The following NTAQ1 variants were observed in gnomAD, a reference collection of about 807,000 sequenced individuals.
The protein encoded by NTAQ1 is N-terminal glutamine amidase 1.
A neutral mutation model predicts 28.2 loss-of-function variants in NTAQ1; 21 were observed. The ratio of observed to expected loss-of-function variants is 0.74; its 90% CI spans 0.53 to 1.07. The LOEUF (loss-of-function observed/expected upper bound fraction) is 1.07. Among genes scored for constraint, NTAQ1 ranks in the 50% least tolerant of loss-of-function variants. NTAQ1 has a pLI of 0.00. For synonymous variants in NTAQ1, 105 were observed against 90.0 expected (o/e 1.17, Z -0.94); for missense variants, 264 against 256.6 (o/e 1.03, Z -0.20).
At chr8:123,449,032 G>T (rs13275733), downstream of NTAQ1, among the ~76,000 whole-genome samples, 2 of 151,770 alleles carry the variant, frequency 1.3e-5, no homozygotes, top group East Asian at 3.9e-4. Context: ...ACCCTTACCT[G>T]TACTCTCTTA....
chr8:123,443,917 A>G (rs1189893616), downstream of NTAQ1, among the ~76,000 whole-genome samples: 2 of 152,068 alleles, frequency 1.3e-5, no homozygotes, highest in African/African-American at 4.8e-5. Flanking sequence ...TTTTCTCTTC[A>G]GCTTGTGCGA....
intron 6 of NTAQ1, among the ~76,000 whole-genome samples, chr8:123,463,085 A>T (rs528177691): frequency 1.2e-4 from 19 of 152,316 alleles, no homozygotes; most frequent in African/African-American, 4.6e-4. Context: ...GTAGGGAAGA[A>T]CACTTTTTCT....
At position 123,441,676 on chromosome 8, in the gene NTAQ1, A is replaced by G. The variant is rs1815077274; in HGVS notation, c.*261A>G. Reference sequence around the variant, plus strand: ...CTCATGCGTTACAACACGAGGACTTAAGCCAGTAATCGTTTTTGTTCAGAT... The same window carrying G: ...CTCATGCGTTACAACACGAGGACTTGAGCCAGTAATCGTTTTTGTTCAGAT... On this transcript the variant is annotated 3_prime_UTR_variant, in exon 6 of 6. Transcript: ENST00000287387. 1 of 441,778 alleles carries G rather than the reference A, an allele frequency of 2.3e-6. No individual in the cohort carries two copies. Among genetic ancestry groups the G allele is most frequent in the South Asian group, 3.1e-5 (1 of 32,756 alleles). 27.4% of individuals were successfully genotyped at this position (441,778 alleles called of 1,614,324 possible). A position where few individuals can be genotyped will look rare whatever the true frequency, so the allele number is the denominator to read the frequency against.
downstream of NTAQ1, among the ~76,000 whole-genome samples, chr8:123,442,796 G>A (rs1815127022): frequency 1.3e-5 from 2 of 150,646 alleles, no homozygotes; most frequent in East Asian, 2.0e-4. Flanking sequence ...AGCCTCCTGA[G>A]TAGCTGGGAT....
intron 4 of NTAQ1, among the ~76,000 whole-genome samples, chr8:123,436,989 G>T (rs1814756391): frequency 6.6e-6 from 1 of 152,118 alleles, no homozygotes; most frequent in South Asian, 2.1e-4. Flanking sequence ...GTAAATCGAG[G>T]CAACCAGATA....
chr8:123,443,209 G>C (rs562556947), downstream of NTAQ1, among the ~76,000 whole-genome samples: 1 of 150,926 alleles, frequency 6.6e-6, no homozygotes, highest in Non-Finnish European at 1.5e-5. Flanking sequence ...TAATAGAGAC[G>C]GGGTTTTGCC....
At chr8:123,443,981 T>G (rs955704817), downstream of NTAQ1, among the ~76,000 whole-genome samples, 8 of 152,172 alleles carry the variant, frequency 5.3e-5, no homozygotes, top group African/African-American at 1.9e-4. Context: ...AAGATTTTTC[T>G]TCAGAGTTGT....
At chr8:123,441,281 A>AT (rs558200082) in intron 5 of NTAQ1, 25 bp from the exon 6 acceptor site, 427 of 1,510,186 alleles carry the variant, frequency 2.8e-4, no homozygotes, top group South Asian at 5.8e-4. Flanking sequence ...TTCAGTGGAC[A>AT]TTTTTTTTTC....
At chr8:123,460,225 G>A (rs1217824615) in intron 6 of NTAQ1, among the ~76,000 whole-genome samples, 1 of 152,112 alleles carries the variant, frequency 6.6e-6, no homozygotes, top group Non-Finnish European at 1.5e-5. Context: ...TTTGTGCCAG[G>A]CACTGCTCAA....
exon 7 of NTAQ1, among the ~76,000 whole-genome samples, chr8:123,469,981 T>C (rs1446625450): frequency 6.6e-6 from 1 of 152,204 alleles, no homozygotes; most frequent in Non-Finnish European, 1.5e-5. Context: ...GTGATGGTAT[T>C]TGGAAGTGAG....
chr8:123,425,708 G>A lies in NTAQ1; in HGVS notation c.84-2216G>A, dbSNP rs149665574. On this transcript the variant is annotated intron_variant, in intron 1 of 5. Coordinates refer to ENST00000287387, the MANE Select transcript of NTAQ1 (RefSeq NM_018024.3). ...TTGCTTCATTTTTAGGTAGCATGGC[G>A]TGGATGAAATTAGGCTTTGGGCCGG... 9.9e-3 allele frequency among the ~76,000 whole-genome samples: 1,506 copies of A among 152,136 alleles called. 23 individuals are homozygous for A. The highest frequency in any genetic ancestry group is 0.035 in the African/African-American group (1,436 of 41,512).
intron 1 of NTAQ1, among the ~76,000 whole-genome samples, chr8:123,420,768 T>A (rs1813632069): frequency 6.6e-6 from 1 of 151,582 alleles, no homozygotes; most frequent in Non-Finnish European, 1.5e-5. Context: ...CTTCTTAAAT[T>A]ATTTTTATTT....
intron 3 of NTAQ1, 76 bp from the exon 4 acceptor site, chr8:123,436,377 A>C: frequency 6.9e-7 from 1 of 1,446,934 alleles, no homozygotes; most frequent in Non-Finnish European, 9.5e-7. Flanking sequence ...CTTTTTAGTG[A>C]TAAGGTATGT....
Position 123,437,300 on chromosome 8 carries a change from G to T in NTAQ1, c.474G>T (p.Glu158Asp), listed in dbSNP as rs201538858. 3 of 1,614,080 alleles carry T rather than the reference G, an allele frequency of 1.9e-6. No homozygotes were observed. In the Admixed American group the frequency reaches 5.0e-5, roughly 27 times the overall value. ...AAGACTCCAGTGGGAATTGGAGAGAGCCTCCGCCGCCATATCCCTGCATTG... is the reference window on the plus strand; with the variant it reads ...AAGACTCCAGTGGGAATTGGAGAGATCCTCCGCCGCCATATCCCTGCATTG... ...HMKDSSGNWREPPPPYPCIET... is the reference protein window; with the variant it reads ...HMKDSSGNWRDPPPPYPCIET... The change falls in exon 5 of 6, where the codon GAG becomes GAT. Residue 158 changes from glutamate to aspartate, a missense_variant. Glu to Asp is a conservative substitution (Grantham distance 45, BLOSUM62 2). Coordinates refer to ENST00000287387, the MANE Select transcript of NTAQ1 (RefSeq NM_018024.3).
chr8:123,435,600 C>A, intron 3 of NTAQ1: 1 of 897,876 alleles, frequency 1.1e-6, no homozygotes, highest in Non-Finnish European at 1.3e-6. Context: ...GGCACTGTGG[C>A]TCACACCTGT....
chr8:123,427,977 C>CT lies in NTAQ1; in HGVS notation c.140dup (p.Leu47PhefsTer11). On this transcript the variant is annotated frameshift_variant, in exon 2 of 6. Coordinates refer to ENST00000287387, the MANE Select transcript of NTAQ1 (RefSeq NM_018024.3). LOFTEE classifies it high-confidence loss of function. ...TACATCAAAAACCATGACCAGTATCCTTTAGAAGAATGTTATGCTGTCTTC... is the reference window on the plus strand; with the variant it reads ...TACATCAAAAACCATGACCAGTATCCTTTTAGAAGAATGTTATGCTGTCTTC... 1 of 1,611,152 alleles carries CT rather than the reference C, an allele frequency of 6.2e-7. No homozygotes were observed. The highest frequency in any genetic ancestry group is 8.5e-7 in the Non-Finnish European group (1 of 1,179,130).
chr8:123,431,531 C>T (rs1292313068), intron 3 of NTAQ1, among the ~76,000 whole-genome samples: 2 of 152,098 alleles, frequency 1.3e-5, no homozygotes, highest in African/African-American at 4.8e-5. Flanking sequence ...AGGCTAAAAA[C>T]AGATTAAAAT....
chr8:123,437,676 C>T (rs1814801300), intron 5 of NTAQ1, among the ~76,000 whole-genome samples: 1 of 150,088 alleles, frequency 6.7e-6, no homozygotes, highest in Non-Finnish European at 1.5e-5. Context: ...GCATTCCAGC[C>T]TGGGTGACAG....
In NTAQ1 at chr8:123,437,298, G is replaced by A; in HGVS notation, c.472G>A (p.Glu158Lys). ...HMKDSSGNWR[E>K]PPPPYPCIET... is the part of the protein sequence containing the mutation. ...GAAAGACTCCAGTGGGAATTGGAGA[G>A]AGCCTCCGCCGCCATATCCCTGCAT... The change falls in exon 5 of 6, where the codon GAG (glutamate) becomes AAG (lysine). Residue 158 changes from glutamate (E) to lysine (K), a missense_variant. By Grantham distance (56) the Glu-to-Lys change is moderately conservative (BLOSUM62 1). Transcript: ENST00000287387. 6.2e-7 allele frequency: 1 copy of A among 1,614,140 alleles called. No homozygotes were observed. Among genetic ancestry groups the A allele is most frequent in the Non-Finnish European group, 8.5e-7 (1 of 1,179,996 alleles).
Sources: gnomAD v4.1 joint callset for allele counts (sites outside exome capture counted in the v4.1 genomes callset) on GRCh38, gnomAD v4.1.1 for gene constraint, MANE v1.5 for transcripts, NCBI Gene and HGNC (gene_info 2026-07-23, HGNC 2026-07-21) for gene names.